The following CSMD3 variants were observed in gnomAD, a reference collection of about 807,000 sequenced individuals.
CSMD3 encodes the protein CUB and sushi domain-containing protein 3.
A neutral mutation model predicts 435.2 loss-of-function variants in CSMD3; 177 were observed. That is an observed-to-expected ratio of 0.41 (90% CI 0.36 to 0.46). CSMD3 has a LOEUF of 0.46. Ranked by LOEUF, CSMD3 falls within the 20% of genes least tolerant of loss-of-function variation. The probability of loss-of-function intolerance (pLI) is 0.34; values close to 1 mark genes in which losing one functional copy is unlikely to be tolerated. For synonymous variants in CSMD3, 1,656 were observed against 1,520.5 expected (o/e 1.09, Z -2.07); for missense variants, 4,265 against 4,504.6 (o/e 0.95, Z 1.52).
In CSMD3 at chr8:113,268,324, T is replaced by C. The variant is rs565482042; in HGVS notation, c.514+10268A>G. On this transcript the variant is annotated intron_variant, in intron 3 of 70. Transcript: ENST00000297405. ...GACTATTAAACTTAGTATAAGTTAA[T>C]ATTTTTTCAATTTTATTGTTTCTCA... 1.1e-4 allele frequency among the ~76,000 whole-genome samples: 16 copies of C among 151,646 alleles called. No homozygotes were observed. The South Asian group carries it at 3.1e-3, about 30-fold the overall frequency.
chr8:113,060,425 T>C (rs560031527), intron 5 of CSMD3, among the ~76,000 whole-genome samples: 18 of 151,824 alleles, frequency 1.2e-4, no homozygotes, highest in African/African-American at 4.3e-4. Context: ...TCCAAGTCTT[T>C]GCTATTGTGA....
At chr8:112,770,570 T>TGG (rs1241975822) in intron 13 of CSMD3, among the ~76,000 whole-genome samples, 3 of 152,006 alleles carry the variant, frequency 2.0e-5, no homozygotes, top group Admixed American at 2.0e-4. Flanking sequence ...TCAAGTTCAT[T>TGG]GGGTGTTGCC....
At chr8:112,761,707 A>G (rs2077842707) in intron 13 of CSMD3, among the ~76,000 whole-genome samples, 1 of 152,086 alleles carries the variant, frequency 6.6e-6, no homozygotes, top group South Asian at 2.1e-4. Context: ...TCCATCAGTG[A>G]AACGTTGTGC....
At chr8:113,162,339 G>C (rs928187500) in intron 4 of CSMD3, among the ~76,000 whole-genome samples, 4 of 151,928 alleles carry the variant, frequency 2.6e-5, no homozygotes, top group African/African-American at 9.7e-5. Flanking sequence ...CGTGAGGCAG[G>C]TAGATCACCT....
intron 27 of CSMD3, among the ~76,000 whole-genome samples, chr8:112,534,725 C>CA (rs1433724925): frequency 2.0e-5 from 3 of 151,486 alleles, no homozygotes; most frequent in Non-Finnish European, 4.4e-5. Context: ...GAGACACAAC[C>CA]AAAAAAGAGA....
chr8:112,520,538 A>G (rs2131009580), intron 27 of CSMD3, among the ~76,000 whole-genome samples: 1 of 152,154 alleles, frequency 6.6e-6, no homozygotes, highest in South Asian at 2.1e-4. Flanking sequence ...TGACCAAAAA[A>G]AATTCGACCA....
At chr8:112,778,356 T>C (rs1470668264) in intron 13 of CSMD3, among the ~76,000 whole-genome samples, 2 of 151,946 alleles carry the variant, frequency 1.3e-5, no homozygotes, top group Non-Finnish European at 2.9e-5. Context: ...AAATCCTCTT[T>C]GCTCTGCTTA....
chr8:112,394,826 G>C (rs1330833246), intron 35 of CSMD3, among the ~76,000 whole-genome samples: 1 of 152,122 alleles, frequency 6.6e-6, no homozygotes, highest in African/African-American at 2.4e-5. Context: ...CAAAATGTAA[G>C]GACAAAGATC....
At chr8:113,071,936 T>A (rs984834180) in intron 5 of CSMD3, among the ~76,000 whole-genome samples, 1 of 151,872 alleles carries the variant, frequency 6.6e-6, no homozygotes, top group African/African-American at 2.4e-5. Flanking sequence ...GCTGTTTCAA[T>A]TCATGAACTC....
intron 4 of CSMD3, among the ~76,000 whole-genome samples, chr8:113,168,128 CTG>C (rs1192858157): frequency 6.6e-6 from 1 of 152,064 alleles, no homozygotes; most frequent in Non-Finnish European, 1.5e-5. Flanking sequence ...GCTACTCTCT[CTG>C]TGATTCAGAG....
At chr8:113,199,349 G>T (rs1315587812) in intron 3 of CSMD3, among the ~76,000 whole-genome samples, 1 of 151,552 alleles carries the variant, frequency 6.6e-6, no homozygotes, top group East Asian at 1.9e-4. Flanking sequence ...ACAAAACATT[G>T]AAACAGCCTT....
intron 11 of CSMD3, among the ~76,000 whole-genome samples, chr8:112,845,454 T>A (rs935519232): frequency 2.0e-5 from 3 of 151,980 alleles, no homozygotes; most frequent in African/African-American, 7.2e-5. Context: ...AGACTGGAGA[T>A]GTGTAAACAA....
At chr8:113,336,159 A>G (rs2094072814) in intron 1 of CSMD3, among the ~76,000 whole-genome samples, 1 of 151,282 alleles carries the variant, frequency 6.6e-6, no homozygotes, top group African/African-American at 2.4e-5. Flanking sequence ...TTCTGTCTTC[A>G]GTTCTTAGAT....
At chr8:112,934,894 T>C (rs2083231230) in intron 9 of CSMD3, among the ~76,000 whole-genome samples, 1 of 152,166 alleles carries the variant, frequency 6.6e-6, no homozygotes, top group Non-Finnish European at 1.5e-5. Context: ...TCCTTTTCTG[T>C]GCAAAAGTTT....
intron 13 of CSMD3, among the ~76,000 whole-genome samples, chr8:112,703,698 G>A (rs935260070): frequency 2.0e-5 from 3 of 152,060 alleles, no homozygotes; most frequent in Non-Finnish European, 4.4e-5. Context: ...ATGTTAAGAA[G>A]CCTTTTGGGA....
intron 5 of CSMD3, among the ~76,000 whole-genome samples, chr8:113,052,939 AT>A (rs1241069924): frequency 6.6e-6 from 1 of 152,218 alleles, no homozygotes; most frequent in Non-Finnish European, 1.5e-5. Context: ...TCAGGAATCA[AT>A]TGAATGACTT....
At chr8:113,089,288 C>A (rs2089919534) in intron 5 of CSMD3, among the ~76,000 whole-genome samples, 1 of 152,130 alleles carries the variant, frequency 6.6e-6, no homozygotes, top group East Asian at 1.9e-4. Context: ...TCACTACTAG[C>A]CAATCTGTTC....
At chr8:112,860,427 AT>A (rs1343652054) in intron 10 of CSMD3, among the ~76,000 whole-genome samples, 1 of 151,584 alleles carries the variant, frequency 6.6e-6, no homozygotes, top group Non-Finnish European at 1.5e-5. Context: ...AATAAATTGT[AT>A]TTTTCTTCCC....
Position 112,525,809 on chromosome 8 carries a change from T to TAC in CSMD3, c.4565-8586_4565-8585dup, listed in dbSNP as rs1290746874. ...GTATATATATATGTATATATATATATACACACACATATAAAAAATATATAT... is the reference window on the plus strand; with the variant it reads ...GTATATATATATGTATATATATATATACACACACACATATAAAAAATATATAT... On this transcript the variant is annotated intron_variant, in intron 27 of 70. Coordinates refer to ENST00000297405, the MANE Select transcript of CSMD3 (RefSeq NM_198123.2). 1.2e-3 allele frequency among the ~76,000 whole-genome samples: 150 copies of TAC among 121,572 alleles called. 2 individuals are homozygous for TAC. Among genetic ancestry groups the TAC allele is most frequent in the African/African-American group, 4.5e-3 (144 of 31,650 alleles). 79.8% of individuals were successfully genotyped at this position (121,572 alleles called of 152,430 possible). A position where few individuals can be genotyped will look rare whatever the true frequency, so the allele number is the denominator to read the frequency against.
Sources: gnomAD v4.1 joint callset for allele counts (sites outside exome capture counted in the v4.1 genomes callset) on GRCh38, gnomAD v4.1.1 for gene constraint, MANE v1.5 for transcripts, NCBI Gene and HGNC (gene_info 2026-07-23, HGNC 2026-07-21) for gene names.